ANKDD1A: variants seen among roughly 807,000 people sequenced by gnomAD.
ANKDD1A encodes the protein ankyrin repeat and death domain-containing protein 1A.
Under a neutral mutation model 63.5 loss-of-function variants are expected in ANKDD1A, and 59 were observed. The ratio of observed to expected loss-of-function variants is 0.93; its 90% CI spans 0.75 to 1.15. The LOEUF is 1.15. Among genes scored for constraint, ANKDD1A ranks in the 50% most tolerant of loss-of-function variants. The pLI is 0.00. For missense variants in ANKDD1A, 632 were observed against 656.4 expected (o/e 0.96, Z 0.41); for synonymous variants, 266 against 263.9 (o/e 1.01, Z -0.08).
At position 64,949,846 on chromosome 15, in the gene ANKDD1A, A is replaced by C; in HGVS notation, c.1357A>C (p.Arg453=). ...DAIEQQWTGT[R]SYQEHGHRML... is the part of the protein sequence containing the mutation. ...TCCTCCCTCACTGTTCTCAGGCACC[A>C]GGAGCTATCAGGAGCACGGCCACCG... Residue 453 remains arginine (R), a synonymous_variant, in exon 14 of 15, where the codon AGG becomes CGG. Transcript: ENST00000319580. 1 of 1,601,616 alleles carries C rather than the reference A, an allele frequency of 6.2e-7. No individual in the cohort carries two copies. Among genetic ancestry groups the C allele is most frequent in the South Asian group, 1.1e-5 (1 of 91,082 alleles).
intron 12 of ANKDD1A, 82 bp from the exon 13 acceptor site, chr15:64,947,322 G>T: frequency 7.0e-7 from 1 of 1,429,148 alleles, no homozygotes; most frequent in South Asian, 1.3e-5. Flanking sequence ...GTGGTAGGAG[G>T]GTCATAGGGG....
chr15:64,927,286 G>T (rs1335579432), intron 6 of ANKDD1A, among the ~76,000 whole-genome samples: 3 of 152,220 alleles, frequency 2.0e-5, no homozygotes. Flanking sequence ...CGACGTGGCT[G>T]GCCAGGGTGG....
chr15:64,927,522 A>G (rs1235214371), intron 6 of ANKDD1A, among the ~76,000 whole-genome samples: 1 of 151,926 alleles, frequency 6.6e-6, no homozygotes, highest in East Asian at 1.9e-4. Flanking sequence ...AGGGACGGGG[A>G]CCAGAGGGTC....
intron 6 of ANKDD1A, among the ~76,000 whole-genome samples, chr15:64,929,294 C>T (rs904434928): frequency 5.3e-5 from 8 of 152,180 alleles, no homozygotes; most frequent in African/African-American, 1.7e-4. Context: ...CTGCCTCAGT[C>T]TTTCCAGTAT....
intron 2 of ANKDD1A, 128 bp downstream of exon 2, chr15:64,916,028 G>A (rs1471834): frequency 0.77 from 680,518 of 889,192 alleles, 262,459 homozygotes; most frequent in East Asian, 0.95. Context: ...AGGGAGGCTC[G>A]GGCTCTGTCC....
At chr15:64,952,973 T>TTG (rs374431839) in intron 14 of ANKDD1A, among the ~76,000 whole-genome samples, 1 of 116,438 alleles carries the variant, frequency 8.6e-6, no homozygotes, top group Non-Finnish European at 1.9e-5. Flanking sequence ...TCTTCTTTTC[T>TTG]TCTTGTCTCT....
At chr15:64,951,377 C>G (rs1361060001) in intron 14 of ANKDD1A, 1 of 418,830 alleles carries the variant, frequency 2.4e-6, no homozygotes. Flanking sequence ...TTTCTTCTTT[C>G]TTTTTCTTTT....
chr15:64,953,663 T>TTTTCCTTTTTCTTTTTCC (rs1555397895), intron 14 of ANKDD1A, among the ~76,000 whole-genome samples: 1 of 135,454 alleles, frequency 7.4e-6, no homozygotes. Flanking sequence ...CTTCTTTTCT[T>TTTTCCTTTTTCTTTTTCC]TCTTCTCCTT....
At chr15:64,955,119 T>TGCA in intron 14 of ANKDD1A, among the ~76,000 whole-genome samples, 2 of 151,924 alleles carry the variant, frequency 1.3e-5, no homozygotes, top group Non-Finnish European at 2.9e-5. Context: ...AGTGGCGCAA[T>TGCA]CTTGGCTCAC....
rs200369345 is a variant in ANKDD1A, at chr15:64,942,500, C to T, written c.901C>T (p.His301Tyr). 50 of 1,613,722 alleles carry T rather than the reference C, an allele frequency of 3.1e-5. No individual in the cohort carries two copies. Among genetic ancestry groups the T allele is most frequent in the Middle Eastern group, 1.6e-4 (1 of 6,080 alleles). ...CTCTCCTCTGCACCTCGCTGTGAGG[C>T]ACAACTTCCCTGCCTTGGTCCGGCT... ...GASPLHLAVR[H>Y]NFPALVRLLI... The change falls in exon 10 of 15, where the codon CAC (histidine) becomes TAC (tyrosine). Residue 301 changes from histidine to tyrosine, a missense_variant. His to Tyr is a moderately conservative substitution (Grantham distance 83). Coordinates refer to ENST00000319580, the MANE Select transcript of ANKDD1A (RefSeq NM_182703.6).
intron 14 of ANKDD1A, chr15:64,951,407 T>TTTTTTCTTTCTTCTTCCA (rs2085273038): frequency 9.9e-6 from 1 of 101,166 alleles, no homozygotes; most frequent in Non-Finnish European, 1.4e-5. Flanking sequence ...CTTTTTTCTT[T>TTTTTTCTTTCTTCTTCCA]TTTCTTTTCT....
rs530414406 is a variant in ANKDD1A at position 64,933,002 on chromosome 15, T to TG, written c.769-1128dup. 4.4e-3 allele frequency among the ~76,000 whole-genome samples: 658 copies of TG among 148,856 alleles called. 5 individuals carry two copies. Among genetic ancestry groups the TG allele is most frequent in the African/African-American group, 0.015 (616 of 40,566 alleles). The stretch of plus-strand genomic sequence containing the variant: ...TGCACCCAGCTGGGTGGCCATTGGG[T>TG]GGGGGGCTGGAGCTGCTCATCACGC... On this transcript the variant is annotated intron_variant, in intron 8 of 14. Coordinates refer to ENST00000319580, the MANE Select transcript of ANKDD1A (RefSeq NM_182703.6).
chr15:64,954,373 CCTT>C (rs1407684132), intron 14 of ANKDD1A, among the ~76,000 whole-genome samples: 1 of 27,144 alleles, frequency 3.7e-5, no homozygotes, highest in Non-Finnish European at 4.9e-4. Flanking sequence ...CCTTCTTCTT[CCTT>C]TTCTTTTCTT....
Position 64,947,505 on chromosome 15 carries a change from G to GT in ANKDD1A, c.1264dup (p.Tyr422LeufsTer6). On this transcript the variant is annotated frameshift_variant, in exon 13 of 15. Coordinates refer to ENST00000319580, the MANE Select transcript of ANKDD1A (RefSeq NM_182703.6). LOFTEE classifies it high-confidence loss of function. ...CTGTGCTGTGGCGGCTGGCCTCCAG[G>GT]TATCTGCAGCCCCGTGAGTGGAAGA... The GT allele has an allele frequency of 1.9e-6, 3 of 1,613,996 alleles. No homozygotes were observed. The highest frequency in any genetic ancestry group is 2.5e-6 in the Non-Finnish European group (3 of 1,179,976).
intron 2 of ANKDD1A, among the ~76,000 whole-genome samples, chr15:64,916,327 T>C (rs1231721442): frequency 6.6e-6 from 1 of 151,438 alleles, no homozygotes; most frequent in African/African-American, 2.4e-5. Context: ...GTCGGCTTTT[T>C]TTCTTTTTTT....
At chr15:64,935,224 T>A (rs1421900280) in intron 9 of ANKDD1A, among the ~76,000 whole-genome samples, 52 of 37,026 alleles carry the variant, frequency 1.4e-3, no homozygotes, top group African/African-American at 3.4e-3. Flanking sequence ...AGACTCTGTC[T>A]CAAAAAAAAA....
chr15:64,945,250 T>TG (rs946023358), intron 12 of ANKDD1A, among the ~76,000 whole-genome samples: 2 of 152,262 alleles, frequency 1.3e-5, no homozygotes, highest in African/African-American at 4.8e-5. Context: ...TTGGTGTCCT[T>TG]GGGGCTTGTT....
chr15:64,950,148 G>A (rs1367556059), intron 14 of ANKDD1A, 176 bp downstream of exon 14: 1 of 985,266 alleles, frequency 1.0e-6, no homozygotes, highest in Non-Finnish European at 1.2e-6. Context: ...GTGCCTCCTG[G>A]CCCTGGTTTC....
At chr15:64,943,364 C>T (rs2085199158) in intron 10 of ANKDD1A, 120 bp from the exon 11 acceptor site, 1 of 791,722 alleles carries the variant, frequency 1.3e-6, no homozygotes, top group Non-Finnish European at 2.1e-6. Context: ...AAACTGAAAA[C>T]ATTCTGCATT....
Sources: allele counts gnomAD v4.1 joint callset (sites outside exome capture counted in the v4.1 genomes callset), GRCh38; gene constraint gnomAD v4.1.1; transcripts MANE v1.5; gene names NCBI Gene and HGNC (gene_info 2026-07-23, HGNC 2026-07-21).